MLLT10: variants seen among roughly 807,000 people sequenced by gnomAD.
MLLT10 encodes the protein MLLT10 histone lysine methyltransferase DOT1L cofactor, also known as protein AF-10.
In MLLT10, 30 loss-of-function variants were observed where a neutral mutation model predicts 129.1. The ratio of observed to expected loss-of-function variants is 0.23; its 90% CI spans 0.17 to 0.32. The LOEUF is 0.32. Among genes scored for constraint, MLLT10 ranks in the 10% least tolerant of loss-of-function variants. The pLI, the probability that MLLT10 is intolerant of heterozygous loss-of-function variation, is 1.00. For missense variants in MLLT10, 1,119 were observed against 1,268.3 expected, an observed-to-expected ratio of 0.88 and a Z score of 1.79; for synonymous variants, 490 against 446.4, an observed-to-expected ratio of 1.10 and a Z score of -1.23.
intron 15 of MLLT10, among the ~76,000 whole-genome samples, chr10:21,727,463 T>TA (rs962647068): frequency 6.6e-6 from 1 of 152,146 alleles, no homozygotes; most frequent in Non-Finnish European, 1.5e-5. Flanking sequence ...TGCAAAGTGT[T>TA]AAAAAATACA....
intron 9 of MLLT10, among the ~76,000 whole-genome samples, chr10:21,664,944 C>CTTTTTTTT (rs146373535): frequency 4.2e-5 from 5 of 119,388 alleles, no homozygotes; most frequent in Non-Finnish European, 6.9e-5. Context: ...TTTTTCTTTT[C>CTTTTTTTT]TTTTTTTTTT....
At chr10:21,739,160 C>T (rs1295274261) in intron 21 of MLLT10, among the ~76,000 whole-genome samples, 6 of 152,168 alleles carry the variant, frequency 3.9e-5, no homozygotes, top group African/African-American at 1.2e-4. Context: ...AAAACCTTCC[C>T]GTTTTACCAT....
At chr10:21,569,114 A>C (rs557767890) in intron 3 of MLLT10, among the ~76,000 whole-genome samples, 2 of 152,280 alleles carry the variant, frequency 1.3e-5, no homozygotes, top group East Asian at 3.9e-4. Flanking sequence ...TATCTTGGTG[A>C]ATGTTCCAAA....
chr10:21,671,443 G>A (rs929538953), intron 10 of MLLT10, among the ~76,000 whole-genome samples: 5 of 152,128 alleles, frequency 3.3e-5, no homozygotes, highest in Non-Finnish European at 7.4e-5. Flanking sequence ...AACTCTTGAG[G>A]CCAGCTTGGG....
chr10:21,550,808 A>G, intron 3 of MLLT10, among the ~76,000 whole-genome samples: 1 of 152,136 alleles, frequency 6.6e-6, no homozygotes, highest in Admixed American at 6.6e-5. Context: ...CTGGGATTAC[A>G]GACGTGAGCT....
chr10:21,708,168 A>AAAGGAAGG (rs1002775676), intron 13 of MLLT10, among the ~76,000 whole-genome samples: 1 of 152,032 alleles, frequency 6.6e-6, no homozygotes, highest in African/African-American at 2.4e-5. Context: ...TTGTTTGATG[A>AAAGGAAGG]AAGGAAGGAA....
intron 9 of MLLT10, among the ~76,000 whole-genome samples, chr10:21,660,615 C>CAAAA (rs55685640): frequency 9.6e-5 from 4 of 41,810 alleles, no homozygotes; most frequent in Non-Finnish European, 1.3e-4. Context: ...GACTCCATCT[C>CAAAA]AAAAAAAAAA....
Position 21,595,499 on chromosome 10 carries a change from G to A in MLLT10, c.405+59G>A, listed in dbSNP as rs2042946779. On this transcript the variant is annotated intron_variant, in intron 5 of 22. Transcript: ENST00000307729. ...ATCACTACTGGGAAGTAGAAAGGAA[G>A]TTTTTGTGTTTTTAAAATCACAGGT... The A allele has an allele frequency of 1.1e-5, 15 of 1,330,102 alleles. No individual in the cohort carries two copies. The South Asian group carries it at 2.0e-4, about 18-fold the overall frequency. The allele number at this position is 1,330,102 out of a possible 1,614,324, so 82.4% of individuals were successfully genotyped here.
chr10:21,622,153 C>CT (rs71393915), intron 8 of MLLT10, among the ~76,000 whole-genome samples: 2,145 of 99,772 alleles, frequency 0.021, 38 homozygotes, highest in African/African-American at 0.03. Flanking sequence ...TTTGTTTTTC[C>CT]TTTTTTTTTT....
chr10:21,652,919 G>A (rs1458482031), intron 9 of MLLT10, among the ~76,000 whole-genome samples: 1 of 152,184 alleles, frequency 6.6e-6, no homozygotes, highest in South Asian at 2.1e-4. Context: ...TTACAGATAA[G>A]TTAGAGGCAT....
At chr10:21,651,607 A>C (rs758584103) in intron 8 of MLLT10, 66 bp from the exon 9 acceptor site, 6 of 1,056,824 alleles carry the variant, frequency 5.7e-6, no homozygotes, top group Non-Finnish European at 8.5e-6. Context: ...GTTATAAAAA[A>C]ATCTCTGTTG....
intron 5 of MLLT10, among the ~76,000 whole-genome samples, chr10:21,597,583 G>C (rs951711904): frequency 6.6e-6 from 1 of 152,128 alleles, no homozygotes; most frequent in African/African-American, 2.4e-5. Flanking sequence ...TGTTGGCCAG[G>C]CTGCTCTCGA....
chr10:21,571,194 T>C (rs1363280552), intron 3 of MLLT10, among the ~76,000 whole-genome samples: 1 of 152,260 alleles, frequency 6.6e-6, no homozygotes, highest in Non-Finnish European at 1.5e-5. Context: ...CAGTTCTGGA[T>C]GCTATTACCT....
chr10:21,739,621 T>C, intron 21 of MLLT10, among the ~76,000 whole-genome samples: 1 of 152,090 alleles, frequency 6.6e-6, no homozygotes, highest in South Asian at 2.1e-4. Flanking sequence ...CTGCATGGAG[T>C]ATATGCTTGC....
rs765906516 is a variant in MLLT10, at chr10:21,734,848, T to TA, written c.2859-290dup. ...GAATAATTAAAGATAAATTATTACA[T>TA]ACGCTTGTTAGAAACACATGTAAAT... On this transcript the variant is annotated intron_variant, in intron 20 of 22. Coordinates refer to ENST00000307729, the MANE Select transcript of MLLT10 (RefSeq NM_001195626.3). Among the ~76,000 whole-genome samples the TA allele has an allele frequency of 4.6e-5, 7 of 152,354 alleles. No individual in the cohort carries two copies. The East Asian group carries it at 7.7e-4, about 17-fold the overall frequency.
chr10:21,681,404 C>T (rs778535366), intron 12 of MLLT10, 28 bp downstream of exon 12: 16 of 1,547,784 alleles, frequency 1.0e-5, no homozygotes, highest in South Asian at 6.7e-5. Flanking sequence ...GTTGATAACC[C>T]GGGCCTTTTG....
At chr10:21,566,594 C>G (rs2039606533) in intron 3 of MLLT10, among the ~76,000 whole-genome samples, 1 of 151,538 alleles carries the variant, frequency 6.6e-6, no homozygotes, top group South Asian at 2.1e-4. Flanking sequence ...TCCCAAAGTG[C>G]TAGAATTACA....
chr10:21,648,965 G>T (rs772710976), intron 8 of MLLT10, among the ~76,000 whole-genome samples: 1 of 152,092 alleles, frequency 6.6e-6, no homozygotes, highest in Non-Finnish European at 1.5e-5. Context: ...CTCCTACCAG[G>T]TCCCTCCCAT....
chr10:21,704,330 T>TCC (rs1491567636), intron 13 of MLLT10, among the ~76,000 whole-genome samples: 12 of 55,714 alleles, frequency 2.2e-4, no homozygotes, highest in South Asian at 1.4e-3. Flanking sequence ...CTTTTTAAAT[T>TCC]CTCTCTCTCT....
Sources: allele counts gnomAD v4.1 joint callset (sites outside exome capture counted in the v4.1 genomes callset), GRCh38; gene constraint gnomAD v4.1.1; transcripts MANE v1.5; gene names NCBI Gene and HGNC (gene_info 2026-07-23, HGNC 2026-07-21).